ANOS1: variants seen among roughly 807,000 people sequenced by gnomAD.
The protein encoded by ANOS1 is anosmin 1.
In ANOS1, 6 loss-of-function variants were observed where a neutral mutation model predicts 59.0. That is an observed-to-expected ratio of 0.10 (90% CI 0.06 to 0.20). The LOEUF is 0.20. Ranked by LOEUF, ANOS1 falls within the 10% of genes least tolerant of loss-of-function variation. The pLI is 1.00. For synonymous variants in ANOS1, 217 were observed against 223.4 expected (o/e 0.97, Z 0.25); for missense variants, 433 against 542.3 (o/e 0.80, Z 2.00).
intron 2 of ANOS1, among the ~76,000 whole-genome samples, chrX:8,685,738 G>A (rs1932512626): frequency 9.0e-6 from 1 of 111,073 alleles, no homozygotes; most frequent in African/African-American, 3.3e-5. Flanking sequence ...AAGAAAGAGT[G>A]CACGAGCAAG....
intron 3 of ANOS1, among the ~76,000 whole-genome samples, chrX:8,612,493 AC>A (rs1172094532): frequency 1.8e-5 from 2 of 110,611 alleles, no homozygotes; most frequent in Non-Finnish European, 3.8e-5. Context: ...ATAATAAAGG[AC>A]AGAAATCAAT....
At chrX:8,728,193 A>G (rs1602048432) in intron 1 of ANOS1, among the ~76,000 whole-genome samples, 1 of 112,156 alleles carries the variant, frequency 8.9e-6, no homozygotes, top group East Asian at 2.8e-4. Context: ...TAACCCGGCT[A>G]AATCGTCAAT....
At chrX:8,626,098 C>G (rs1033344870) in intron 2 of ANOS1, among the ~76,000 whole-genome samples, 2 of 65,936 alleles carry the variant, frequency 3.0e-5, no homozygotes, top group Non-Finnish European at 5.1e-5. Flanking sequence ...GATGACAGAG[C>G]AAGACTCTGT....
chrX:8,644,684 G>T (rs1160419978), intron 2 of ANOS1, among the ~76,000 whole-genome samples: 1 of 111,346 alleles, frequency 9.0e-6, no homozygotes, highest in Non-Finnish European at 1.9e-5. Flanking sequence ...CTACCTGGAG[G>T]CTTCACCTAC....
At chrX:8,627,826 T>C (rs1931421532) in intron 2 of ANOS1, among the ~76,000 whole-genome samples, 1 of 109,019 alleles carries the variant, frequency 9.2e-6, no homozygotes, top group Non-Finnish European at 1.9e-5. Flanking sequence ...AAAAACTTCC[T>C]ATTTCTGCAA....
intron 2 of ANOS1, among the ~76,000 whole-genome samples, chrX:8,644,362 A>G (rs750783638): frequency 1.8e-5 from 2 of 110,960 alleles, no homozygotes; most frequent in Admixed American, 1.9e-4. Context: ...GGCACAACTG[A>G]CCAGCATTCA....
chrX:8,632,482 G>A (rs1931504955), intron 2 of ANOS1, among the ~76,000 whole-genome samples: 1 of 110,739 alleles, frequency 9.0e-6, no homozygotes, highest in African/African-American at 3.3e-5. Flanking sequence ...CCTTTTAATT[G>A]GAAAAGAAAT....
intron 9 of ANOS1, among the ~76,000 whole-genome samples, chrX:8,549,745 C>G (rs1325447084): frequency 8.9e-6 from 1 of 112,216 alleles, no homozygotes; most frequent in Non-Finnish European, 1.9e-5. Context: ...CACAACAGAC[C>G]TAGGAGGTGA....
chrX:8,533,338 T>A (rs1281204088), intron 13 of ANOS1, among the ~76,000 whole-genome samples: 1 of 112,436 alleles, frequency 8.9e-6, no homozygotes, highest in Non-Finnish European at 1.9e-5. Context: ...CCTTTTTTAT[T>A]TGCTCAAAGA....
At chrX:8,665,941 C>T (rs1160969088) in intron 2 of ANOS1, among the ~76,000 whole-genome samples, 1 of 111,783 alleles carries the variant, frequency 8.9e-6, no homozygotes, top group Non-Finnish European at 1.9e-5. Flanking sequence ...GTGGCCAACA[C>T]CTATGATGCT....
Position 8,531,730 on chromosome X carries a change from C to T in ANOS1, c.*1265G>A, listed in dbSNP as rs1929501290. 9.0e-6 allele frequency: 1 copy of T among 111,135 alleles called. No individual in the cohort carries two copies. 9.2% of individuals were successfully genotyped at this position (111,135 alleles called of 1,213,427 possible). On this transcript the variant is annotated 3_prime_UTR_variant, in exon 14 of 14. Coordinates refer to ENST00000262648, the MANE Select transcript of ANOS1 (RefSeq NM_000216.4). ...GTACATATATTTGCATATATATACACATGCATTTATAATTATATAGACATG... is the reference window on the plus strand; with the variant it reads ...GTACATATATTTGCATATATATACATATGCATTTATAATTATATAGACATG...
At chrX:8,716,298 AG>A (rs1479776330) in intron 1 of ANOS1, among the ~76,000 whole-genome samples, 1 of 112,078 alleles carries the variant, frequency 8.9e-6, no homozygotes, top group Non-Finnish European at 1.9e-5. Flanking sequence ...CTTCACAATC[AG>A]GGTTGCCAAA....
intron 2 of ANOS1, among the ~76,000 whole-genome samples, chrX:8,655,654 CT>C (rs1207116951): frequency 9.0e-6 from 1 of 111,508 alleles, no homozygotes; most frequent in Non-Finnish European, 1.9e-5. Context: ...TTTCCAGCCC[CT>C]GGTCTAATTT....
At chrX:8,701,425 G>T (rs1240985525) in intron 1 of ANOS1, among the ~76,000 whole-genome samples, 1 of 112,202 alleles carries the variant, frequency 8.9e-6, no homozygotes, top group Non-Finnish European at 1.9e-5. Context: ...CATTTAAATT[G>T]TACAACTTGA....
At chrX:8,711,212 A>G (rs1455407633) in intron 1 of ANOS1, among the ~76,000 whole-genome samples, 1 of 112,586 alleles carries the variant, frequency 8.9e-6, no homozygotes, top group African/African-American at 3.2e-5. Flanking sequence ...CATCAGAATA[A>G]CATGTGAAAG....
At chrX:8,595,185 A>AT (rs1231658773) in intron 4 of ANOS1, among the ~76,000 whole-genome samples, 3 of 111,334 alleles carry the variant, frequency 2.7e-5, no homozygotes, top group African/African-American at 9.8e-5. Flanking sequence ...AAAGCATCCT[A>AT]TTTTTATGGT....
intron 2 of ANOS1, among the ~76,000 whole-genome samples, chrX:8,648,972 T>C (rs1931806533): frequency 9.0e-6 from 1 of 111,645 alleles, no homozygotes; most frequent in South Asian, 3.8e-4. Flanking sequence ...TTCTTTGATA[T>C]AAAGGACCAA....
intron 2 of ANOS1, among the ~76,000 whole-genome samples, chrX:8,627,255 C>T (rs1175704607): frequency 3.6e-5 from 4 of 112,612 alleles, no homozygotes; most frequent in Non-Finnish European, 5.6e-5. Context: ...TATGCTGCTA[C>T]ATGTGTACAC....
At position 8,531,837 on chromosome X, in the gene ANOS1, T is replaced by G. The variant is rs1347531546; in HGVS notation, c.*1158A>C. On this transcript the variant is annotated 3_prime_UTR_variant, in exon 14 of 14. Transcript: ENST00000262648. ...GTATTAAATTAAACTTCTCTGCGTT[T>G]TAGGTTGTTACAATATACACTGCAA... is the stretch of plus-strand genomic sequence containing the variant. 2 of 111,736 alleles carry G rather than the reference T, an allele frequency of 1.8e-5. No individual in the cohort carries two copies. The highest frequency in any genetic ancestry group is 3.8e-5 in the Non-Finnish European group (2 of 53,144). 9.2% of individuals were successfully genotyped at this position (111,736 alleles called of 1,213,427 possible). A position where few individuals can be genotyped will look rare whatever the true frequency, so the allele number is the denominator to read the frequency against.
Sources: allele counts gnomAD v4.1 joint callset (sites outside exome capture counted in the v4.1 genomes callset), GRCh38; gene constraint gnomAD v4.1.1; transcripts MANE v1.5; gene names NCBI Gene and HGNC (gene_info 2026-07-23, HGNC 2026-07-21).